The following P2RY14 variants were observed in gnomAD, a reference collection of about 807,000 sequenced individuals.
P2RY14 encodes P2Y purinoceptor 14.
P2RY14 carries 2 observed loss-of-function variants against 0.9 expected under a neutral mutation model. The ratio of observed to expected loss-of-function variants is 2.16; its 90% CI spans 0.88 to 6.79. The LOEUF (loss-of-function observed/expected upper bound fraction) is 6.79. Ranked by LOEUF, P2RY14 falls within the 30% of genes most tolerant of loss-of-function variation. The pLI, the probability that P2RY14 is intolerant of heterozygous loss-of-function variation, is 0.05. For synonymous variants in P2RY14, 158 were observed against 147.2 expected, an observed-to-expected ratio of 1.07 and a Z score of -0.53; for missense variants, 378 against 400.1, an observed-to-expected ratio of 0.94 and a Z score of 0.47.
At chr3:151,256,683 T>G (rs1244064231) in intron 1 of P2RY14, among the ~76,000 whole-genome samples, 1 of 152,302 alleles carries the variant, frequency 6.6e-6, no homozygotes, top group East Asian at 1.9e-4. Flanking sequence ...TATTTTAAGA[T>G]CTAAGAGATG....
Position 151,212,977 on chromosome 3 carries a change from C to A in P2RY14, c.*323G>T. The A allele has an allele frequency of 1.2e-5, 2 of 160,234 alleles. No homozygotes were observed. Among genetic ancestry groups the A allele is most frequent in the Admixed American group, 6.5e-5 (1 of 15,496 alleles). The allele number at this position is 160,234 out of a possible 1,614,324, so 9.9% of individuals were successfully genotyped here. A position where few individuals can be genotyped will look rare whatever the true frequency, so the allele number is the denominator to read the frequency against. On this transcript the variant is annotated 3_prime_UTR_variant, in exon 3 of 3. Transcript: ENST00000309170. ...CTTTGATTATGTTGTGTTTTATTTA[C>A]TATTTAAATTTCTACATTAACTGAC...
chr3:151,235,893 A>G (rs1732670029), intron 1 of P2RY14, among the ~76,000 whole-genome samples: 1 of 151,994 alleles, frequency 6.6e-6, no homozygotes, highest in South Asian at 2.1e-4. Flanking sequence ...CCTATGTCGC[A>G]TTCTCTAGCC....
chr3:151,257,968 A>G (rs1394367369), intron 1 of P2RY14, among the ~76,000 whole-genome samples: 1 of 152,206 alleles, frequency 6.6e-6, no homozygotes, highest in African/African-American at 2.4e-5. Flanking sequence ...TTGTAAATAG[A>G]TAACATAAGA....
chr3:151,275,461 C>G (rs1464675331), intron 1 of P2RY14, among the ~76,000 whole-genome samples: 1 of 152,050 alleles, frequency 6.6e-6, no homozygotes, highest in Non-Finnish European at 1.5e-5. Flanking sequence ...AAATAAAAAG[C>G]TAGCAATTTA....
At chr3:151,216,259 A>G (rs1367664392) in intron 2 of P2RY14, among the ~76,000 whole-genome samples, 2 of 152,222 alleles carry the variant, frequency 1.3e-5, no homozygotes, top group Non-Finnish European at 2.9e-5. Flanking sequence ...CTTAAGATTT[A>G]TTCAGGGATC....
At chr3:151,255,208 T>C (rs1737593737) in intron 1 of P2RY14, among the ~76,000 whole-genome samples, 1 of 152,154 alleles carries the variant, frequency 6.6e-6, no homozygotes, top group South Asian at 2.1e-4. Context: ...AGGATAGAAC[T>C]ATCAGCCATA....
chr3:151,242,627 C>T (rs1734437370), intron 1 of P2RY14, among the ~76,000 whole-genome samples: 2 of 152,190 alleles, frequency 1.3e-5, no homozygotes, highest in Non-Finnish European at 2.9e-5. Flanking sequence ...ACATCACCAT[C>T]ATCAAAGACC....
intron 1 of P2RY14, among the ~76,000 whole-genome samples, chr3:151,236,413 A>T (rs1307162265): frequency 6.6e-6 from 1 of 152,220 alleles, no homozygotes; most frequent in African/African-American, 2.4e-5. Context: ...CATTCTTGTT[A>T]TGCAGCATTC....
At chr3:151,230,253 C>A (rs573145275) in intron 1 of P2RY14, among the ~76,000 whole-genome samples, 1 of 152,218 alleles carries the variant, frequency 6.6e-6, no homozygotes, top group East Asian at 1.9e-4. Context: ...GGATTACAGG[C>A]GTGAGCCACC....
intron 1 of P2RY14, among the ~76,000 whole-genome samples, chr3:151,235,359 T>C (rs1358231387): frequency 6.6e-6 from 1 of 152,118 alleles, no homozygotes; most frequent in Non-Finnish European, 1.5e-5. Context: ...AATGTTCAGG[T>C]GAATGTGAAT....
chr3:151,261,048 A>G (rs576565227), intron 1 of P2RY14, among the ~76,000 whole-genome samples: 1 of 152,182 alleles, frequency 6.6e-6, no homozygotes, highest in South Asian at 2.1e-4. Flanking sequence ...TAACAATGGA[A>G]TGTCATCGGC....
At chr3:151,222,114 G>A (rs1182609845) in intron 1 of P2RY14, among the ~76,000 whole-genome samples, 1 of 152,218 alleles carries the variant, frequency 6.6e-6, no homozygotes, top group Non-Finnish European at 1.5e-5. Flanking sequence ...GGGGCCTGTA[G>A]CCCCTTTGTT....
rs76090076 is a variant in P2RY14, at chr3:151,274,745, A to G, written c.-133+3542T>C. Among the ~76,000 whole-genome samples the G allele has an allele frequency of 3.2e-3, 491 of 152,338 alleles. 3 individuals carry two copies. Among genetic ancestry groups the G allele is most frequent in the African/African-American group, 0.011 (473 of 41,576 alleles). On this transcript the variant is annotated intron_variant, in intron 1 of 2. Transcript: ENST00000309170. ...TATAATATGTCCAAAGATTGTTGTC[A>G]TAATTGAATGACTATCAATTCCTAG...
At chr3:151,230,602 C>T (rs1731475758) in intron 1 of P2RY14, among the ~76,000 whole-genome samples, 1 of 149,480 alleles carries the variant, frequency 6.7e-6, no homozygotes, top group South Asian at 2.1e-4. Context: ...ACTTCCACTT[C>T]CTTCTAATGT....
chr3:151,261,136 G>A (rs1422337280), intron 1 of P2RY14, among the ~76,000 whole-genome samples: 1 of 151,854 alleles, frequency 6.6e-6, no homozygotes, highest in Non-Finnish European at 1.5e-5. Context: ...AATAAGAGGG[G>A]GTGCAATTTT....
chr3:151,275,448 G>A (rs1741693581), intron 1 of P2RY14, among the ~76,000 whole-genome samples: 1 of 152,018 alleles, frequency 6.6e-6, no homozygotes. Context: ...AGGTTTCAGT[G>A]AAAAATAAAA....
rs185311389 is a variant in P2RY14 at position 151,236,930 on chromosome 3, A to G, written c.-132-17288T>C. 1.1e-4 allele frequency among the ~76,000 whole-genome samples: 17 copies of G among 152,100 alleles called. No homozygotes were observed. The East Asian group carries it at 3.3e-3, about 29-fold the overall frequency. ...GCCATTGTGAGTCATGCCGAGATGC[A>G]TATCTTTGTTGCCTATTGATGGACA... On this transcript the variant is annotated intron_variant, in intron 1 of 2. Transcript: ENST00000309170.
chr3:151,255,634 C>T (rs1175632862), intron 1 of P2RY14, among the ~76,000 whole-genome samples: 1 of 152,108 alleles, frequency 6.6e-6, no homozygotes, highest in Non-Finnish European at 1.5e-5. Context: ...TCAAAACTGG[C>T]CCCTGAGATG....
intron 1 of P2RY14, among the ~76,000 whole-genome samples, chr3:151,260,829 C>A (rs1344831710): frequency 6.6e-6 from 1 of 152,064 alleles, no homozygotes; most frequent in East Asian, 1.9e-4. Flanking sequence ...ACTGTTCCTG[C>A]CTTAGTTGTA....
Sources: allele counts gnomAD v4.1 joint callset (sites outside exome capture counted in the v4.1 genomes callset), GRCh38; gene constraint gnomAD v4.1.1; transcripts MANE v1.5; gene names NCBI Gene and HGNC (gene_info 2026-07-23, HGNC 2026-07-21).